QTMAN: variants seen among roughly 807,000 people sequenced by gnomAD.
QTMAN encodes queuosine-tRNA mannosyltransferase, also known as tRNA-queuosine alpha-mannosyltransferase.
At chr2:143,972,319 T>C in the QTMAN span, among the ~76,000 whole-genome samples, 1 of 152,176 alleles carries the variant, frequency 6.6e-6, no homozygotes, top group Non-Finnish European at 1.5e-5. Flanking sequence ...CAATATAATA[T>C]ATCTTAAAGT....
chr2:144,164,320 G>A, the QTMAN span, among the ~76,000 whole-genome samples: 529 of 152,052 alleles, frequency 3.5e-3, 2 homozygotes, highest in Non-Finnish European at 5.7e-3. Flanking sequence ...CTTATAGGGT[G>A]GTGTGAGATG....
chr2:144,184,819 T>C, the QTMAN span, among the ~76,000 whole-genome samples: 1 of 152,140 alleles, frequency 6.6e-6, no homozygotes, highest in Non-Finnish European at 1.5e-5. Context: ...TATAACTCCA[T>C]ATACCTATAT....
chr2:144,217,759 C>A, the QTMAN span, among the ~76,000 whole-genome samples: 1 of 151,730 alleles, frequency 6.6e-6, no homozygotes, highest in East Asian at 1.9e-4. Context: ...GAAAAAAAAA[C>A]AATACTGAAG....
the QTMAN span, among the ~76,000 whole-genome samples, chr2:144,156,626 T>A: frequency 9.9e-5 from 15 of 152,008 alleles, no homozygotes; most frequent in African/African-American, 3.1e-4. Context: ...AAAGATCAAA[T>A]GGAGTAAAAC....
At chr2:144,172,498 C>T in the QTMAN span, among the ~76,000 whole-genome samples, 1 of 151,678 alleles carries the variant, frequency 6.6e-6, no homozygotes, top group African/African-American at 2.4e-5. Flanking sequence ...GTGGCACACA[C>T]CTATTATCCC....
the QTMAN span, among the ~76,000 whole-genome samples, chr2:144,066,988 A>C: frequency 6.6e-6 from 1 of 152,304 alleles, no homozygotes; most frequent in African/African-American, 2.4e-5. Context: ...CCCACAACTA[A>C]TTCATCAGCA....
At chr2:143,977,612 T>C in the QTMAN span, among the ~76,000 whole-genome samples, 29 of 152,154 alleles carry the variant, frequency 1.9e-4, no homozygotes, top group African/African-American at 5.8e-4. Context: ...AGAAGGATCA[T>C]AGAGCTGTAG....
chr2:144,270,958 AC>A, the QTMAN span, among the ~76,000 whole-genome samples: 1 of 152,232 alleles, frequency 6.6e-6, no homozygotes, highest in Non-Finnish European at 1.5e-5. Context: ...TAAGATTACT[AC>A]TATTTACTTA....
chr2:143,974,068 T>C, the QTMAN span, among the ~76,000 whole-genome samples: 2,774 of 152,316 alleles, frequency 0.018, 44 homozygotes, highest in East Asian at 0.068. Flanking sequence ...CATATGATTT[T>C]AGAATAAAGC....
the QTMAN span, among the ~76,000 whole-genome samples, chr2:144,129,151 A>G: frequency 0.012 from 1,862 of 152,012 alleles, 39 homozygotes; most frequent in African/African-American, 0.042. Context: ...CTTTGAATAG[A>G]CCCATCTTTT....
At chr2:144,035,849 C>T in the QTMAN span, among the ~76,000 whole-genome samples, 1 of 152,154 alleles carries the variant, frequency 6.6e-6, no homozygotes, top group South Asian at 2.1e-4. Context: ...CAGGTCCTTT[C>T]CTATCCTTTT....
the QTMAN span, among the ~76,000 whole-genome samples, chr2:144,091,664 C>T: frequency 7.9e-5 from 12 of 152,176 alleles, no homozygotes; most frequent in South Asian, 4.2e-4. Flanking sequence ...CATATGATCC[C>T]GCTATTCCAC....
the QTMAN span, among the ~76,000 whole-genome samples, chr2:144,184,784 T>C: frequency 1.3e-5 from 2 of 152,176 alleles, no homozygotes; most frequent in Non-Finnish European, 2.9e-5. Flanking sequence ...AGGAATTCTA[T>C]TAAAGCACTG....
At chr2:144,015,446 AC>A in the QTMAN span, among the ~76,000 whole-genome samples, 3 of 151,334 alleles carry the variant, frequency 2.0e-5, no homozygotes, top group South Asian at 4.2e-4. Flanking sequence ...AACTCCCCAT[AC>A]CCACCCTCCC....
At chr2:144,295,648 C>T in the QTMAN span, among the ~76,000 whole-genome samples, 1 of 152,190 alleles carries the variant, frequency 6.6e-6, no homozygotes, top group Non-Finnish European at 1.5e-5. Flanking sequence ...GGTCTCGCTC[C>T]ATCACCCAGG....
the QTMAN span, among the ~76,000 whole-genome samples, chr2:144,204,587 A>G: frequency 6.6e-6 from 1 of 152,206 alleles, no homozygotes; most frequent in East Asian, 1.9e-4. Context: ...CAGCGTGGCA[A>G]TTCCTCAAGG....
At chr2:144,096,867 G>A in the QTMAN span, among the ~76,000 whole-genome samples, 1 of 152,240 alleles carries the variant, frequency 6.6e-6, no homozygotes, top group African/African-American at 2.4e-5. Context: ...TTCCACAGCA[G>A]TGCACTGACT....
the QTMAN span, among the ~76,000 whole-genome samples, chr2:144,324,206 G>A: frequency 6.6e-6 from 1 of 152,256 alleles, no homozygotes; most frequent in East Asian, 1.9e-4. Flanking sequence ...ACGCAGGAGT[G>A]TATTATTTGT....
At chr2:144,102,983 C>G in the QTMAN span, among the ~76,000 whole-genome samples, 1 of 152,146 alleles carries the variant, frequency 6.6e-6, no homozygotes, top group African/African-American at 2.4e-5. Flanking sequence ...TCCCCAAACC[C>G]CACCAAACTT....
Sources: gnomAD v4.1 joint callset for allele counts (sites outside exome capture counted in the v4.1 genomes callset) on GRCh38, gnomAD v4.1.1 for gene constraint, MANE v1.5 for transcripts, NCBI Gene and HGNC (gene_info 2026-07-23, HGNC 2026-07-21) for gene names.